Variants in SLC5A1 observed in about 807,000 individuals in gnomAD.
SLC5A1 encodes the protein sodium/glucose cotransporter 1.
Under a neutral mutation model 73.5 loss-of-function variants are expected in SLC5A1, and 42 were observed. The ratio of observed to expected loss-of-function variants is 0.57; its 90% confidence interval spans 0.45 to 0.74. SLC5A1 has a LOEUF of 0.74. Ranked by LOEUF, SLC5A1 falls within the 30% of genes least tolerant of loss-of-function variation. SLC5A1 has a pLI of 0.00. For synonymous variants in SLC5A1, 300 were observed against 317.4 expected (o/e 0.95, Z 0.58); for missense variants, 634 against 855.4 (o/e 0.74, Z 3.23).
At chr22:32,096,140 T>C (rs2094025914) in intron 11 of SLC5A1, among the ~76,000 whole-genome samples, 1 of 152,228 alleles carries the variant, frequency 6.6e-6, no homozygotes, top group South Asian at 2.1e-4. Context: ...CTCTGCATGA[T>C]GCTCTGTCCA....
In SLC5A1 at chr22:32,102,040, A is replaced by G. The variant is rs764980816; in HGVS notation, c.1468A>G (p.Ile490Val). 6.2e-6 allele frequency: 10 copies of G among 1,613,828 alleles called. No individual in the cohort carries two copies. In the Admixed American group the frequency reaches 1.2e-4, roughly 19 times the overall value. ...TTCACAGGGAGCCTTTTGGGGACTG[A>G]TCCTAGGACTTCTGATTGGGATTTC... ...VNEPGAFWGL[I>V]LGLLIGISRM... The change falls in exon 13 of 15, where the codon ATC (isoleucine) becomes GTC (valine). Residue 490 changes from isoleucine to valine, a missense_variant. Transcript: ENST00000266088.
intron 2 of SLC5A1, among the ~76,000 whole-genome samples, chr22:32,060,052 CATAT>C (rs1184166773): frequency 2.6e-5 from 3 of 115,542 alleles, no homozygotes; most frequent in South Asian, 2.9e-4. Context: ...CACACACACA[CATAT>C]ATACACACAC....
At chr22:32,102,371 AC>A in intron 13 of SLC5A1, 134 bp downstream of exon 13, 1 of 713,966 alleles carries the variant, frequency 1.4e-6, no homozygotes, top group Non-Finnish European at 2.5e-6. Flanking sequence ...ATGTTTTGAT[AC>A]AGGCATACAA....
chr22:32,066,430 C>A (rs751772563), intron 2 of SLC5A1, among the ~76,000 whole-genome samples: 2 of 152,174 alleles, frequency 1.3e-5, no homozygotes, highest in African/African-American at 4.8e-5. Flanking sequence ...GCTCCACGCC[C>A]CTCCTCATTT....
chr22:32,054,981 G>A (rs1199201080), intron 2 of SLC5A1, among the ~76,000 whole-genome samples: 2 of 152,052 alleles, frequency 1.3e-5, no homozygotes, highest in East Asian at 3.9e-4. Context: ...GGCCAAGATG[G>A]TATATTTAGA....
intron 14 of SLC5A1, among the ~76,000 whole-genome samples, chr22:32,108,962 G>A (rs1014749465): frequency 6.6e-6 from 1 of 152,088 alleles, no homozygotes; most frequent in African/African-American, 2.4e-5. Context: ...TATTGCTTGA[G>A]TCCAGGAGTT....
chr22:32,049,189 C>A (rs373465073), intron 1 of SLC5A1, among the ~76,000 whole-genome samples: 88 of 39,268 alleles, frequency 2.2e-3, no homozygotes, highest in South Asian at 0.011. Flanking sequence ...ATATCTATAT[C>A]TATATCTATA....
intron 14 of SLC5A1, 38 bp downstream of exon 14, chr22:32,104,929 G>T: frequency 7.2e-7 from 1 of 1,393,302 alleles, no homozygotes; most frequent in Non-Finnish European, 1.0e-6. Flanking sequence ...AACCATAAAA[G>T]TTACTCCTAC....
At position 32,060,014 on chromosome 22, in the gene SLC5A1, T is replaced by TACACACAC. The variant is rs58053068; in HGVS notation, c.208-6889_208-6882dup. ...CTGGGCAGCACAGGGGCCATGGTTATACACACACACACACACACACACACA... is the reference window on the plus strand; with the variant it reads ...CTGGGCAGCACAGGGGCCATGGTTATACACACACACACACACACACACACACACACACA... On this transcript the variant is annotated intron_variant, in intron 2 of 14. Coordinates refer to ENST00000266088, the MANE Select transcript of SLC5A1 (RefSeq NM_000343.4). Among the ~76,000 whole-genome samples, 185 of 137,682 alleles carry TACACACAC rather than the reference T, an allele frequency of 1.3e-3. 1 individual carries two copies. The highest frequency in any genetic ancestry group is 9.2e-3 in the East Asian group (43 of 4,682). 90.3% of individuals were successfully genotyped at this position (137,682 alleles called of 152,430 possible).
chr22:32,047,669 A>G (rs1170152344), intron 1 of SLC5A1, among the ~76,000 whole-genome samples: 1 of 152,212 alleles, frequency 6.6e-6, no homozygotes, highest in African/African-American at 2.4e-5. Flanking sequence ...GGACACAATA[A>G]TGGCCCTGCT....
At chr22:32,056,763 C>A (rs1470455797) in intron 2 of SLC5A1, among the ~76,000 whole-genome samples, 1 of 152,128 alleles carries the variant, frequency 6.6e-6, no homozygotes, top group Non-Finnish European at 1.5e-5. Context: ...GGTTTGTTAA[C>A]AAAGAAAAAT....
rs201106049 is a variant in SLC5A1, at chr22:32,081,978, C to G, written c.583+7C>G. The G allele has an allele frequency of 6.4e-7, 1 of 1,574,000 alleles. No homozygotes were observed. Among genetic ancestry groups the G allele is most frequent in the Non-Finnish European group, 8.7e-7 (1 of 1,143,466 alleles). Reference sequence around the variant, plus strand: ...GCCCTTTACACAATTACAGGTGAGTCCATTCAAATAAACCAGCACCTCAAA... The same window carrying G: ...GCCCTTTACACAATTACAGGTGAGTGCATTCAAATAAACCAGCACCTCAAA... On this transcript the variant is annotated splice_region_variant and intron_variant, in intron 6 of 14. Coordinates refer to ENST00000266088, the MANE Select transcript of SLC5A1 (RefSeq NM_000343.4).
At chr22:32,093,310 T>A (rs117441849) in intron 11 of SLC5A1, among the ~76,000 whole-genome samples, 6,829 of 151,838 alleles carry the variant, frequency 0.045, 208 homozygotes, top group Non-Finnish European at 0.071. Context: ...TCCATATGAA[T>A]GTGAGTATTG....
chr22:32,088,619 G>A (rs1489714336), intron 10 of SLC5A1, among the ~76,000 whole-genome samples: 1 of 152,132 alleles, frequency 6.6e-6, no homozygotes, highest in East Asian at 1.9e-4. Flanking sequence ...GATTACAGGT[G>A]TGAGTCACCA....
intron 2 of SLC5A1, among the ~76,000 whole-genome samples, chr22:32,064,906 C>T (rs1171166561): frequency 2.6e-5 from 4 of 152,192 alleles, no homozygotes; most frequent in Non-Finnish European, 5.9e-5. Flanking sequence ...CCCTCTCCTG[C>T]TTAAAATCCT....
At chr22:32,076,437 G>C (rs1224151669) in intron 5 of SLC5A1, among the ~76,000 whole-genome samples, 1 of 152,232 alleles carries the variant, frequency 6.6e-6, no homozygotes, top group Admixed American at 6.5e-5. Flanking sequence ...TAAAGCCTCA[G>C]ATTTTATGAC....
chr22:32,084,705 C>T (rs1481734148), intron 8 of SLC5A1, 46 bp downstream of exon 8: 1 of 1,561,110 alleles, frequency 6.4e-7, no homozygotes, highest in Admixed American at 1.7e-5. Flanking sequence ...TCTCCAGGGC[C>T]CTACAGGAAC....
intron 2 of SLC5A1, among the ~76,000 whole-genome samples, chr22:32,053,148 C>T (rs994107964): frequency 1.3e-5 from 2 of 152,108 alleles, no homozygotes; most frequent in Non-Finnish European, 2.9e-5. Flanking sequence ...TTTGTTTTCT[C>T]GGTCTGAGTC....
chr22:32,086,261 T>A lies in SLC5A1; in HGVS notation c.1063T>A (p.Cys355Ser), dbSNP rs201507039. 33 of 1,614,032 alleles carry A rather than the reference T, an allele frequency of 2.0e-5. No homozygotes were observed. Among genetic ancestry groups the A allele is most frequent in the Non-Finnish European group, 2.8e-5 (33 of 1,179,974 alleles). Residue 355 changes from cysteine (C) to serine (S), a missense_variant, in exon 10 of 15, where the codon TGC (cysteine) becomes AGC (serine). Physicochemically the swap from Cys to Ser is moderately radical, Grantham distance 112 (BLOSUM62 -1). Coordinates refer to ENST00000266088, the MANE Select transcript of SLC5A1 (RefSeq NM_000343.4). ...CGTCCCTTCAGAATGTGAGAAATATTGCGGTACCAAGGTTGGCTGTACCAA... is the reference window on the plus strand; with the variant it reads ...CGTCCCTTCAGAATGTGAGAAATATAGCGGTACCAAGGTTGGCTGTACCAA... ...CVVPSECEKY[C>S]GTKVGCTNIA... is the part of the protein sequence containing the mutation.
Sources: allele counts gnomAD v4.1 joint callset (sites outside exome capture counted in the v4.1 genomes callset), GRCh38; gene constraint gnomAD v4.1.1; transcripts MANE v1.5; gene names NCBI Gene and HGNC (gene_info 2026-07-23, HGNC 2026-07-21).